The following HTR7 variants were observed in gnomAD, a reference collection of about 807,000 sequenced individuals.
HTR7 encodes the protein 5-HT-7.
Under a neutral mutation model 34.0 loss-of-function variants are expected in HTR7, and 16 were observed. That is an observed-to-expected ratio of 0.47 (90% CI 0.32 to 0.71). HTR7 has a LOEUF of 0.71. Among genes scored for constraint, HTR7 ranks in the 30% least tolerant of loss-of-function variants. The pLI is 0.04. For synonymous variants in HTR7, 265 were observed against 260.2 expected (o/e 1.02, Z -0.18); for missense variants, 504 against 625.5 (o/e 0.81, Z 2.07).
chr10:90,845,588 G>C (rs1243184895), intron 1 of HTR7, among the ~76,000 whole-genome samples: 15 of 152,184 alleles, frequency 9.9e-5, no homozygotes, highest in Admixed American at 9.8e-4. Context: ...GAGATACCAT[G>C]TGTCAAGTGT....
At chr10:90,791,845 C>G (rs558406939) in intron 1 of HTR7, among the ~76,000 whole-genome samples, 1 of 152,246 alleles carries the variant, frequency 6.6e-6, no homozygotes, top group African/African-American at 2.4e-5. Flanking sequence ...GGGGTTTTGG[C>G]TCCTCAAGTA....
intron 1 of HTR7, among the ~76,000 whole-genome samples, chr10:90,778,461 G>T (rs1241390658): frequency 1.3e-5 from 2 of 152,126 alleles, no homozygotes; most frequent in South Asian, 2.1e-4. Flanking sequence ...GTCCCTACCA[G>T]CAAGAAGGCC....
chr10:90,824,050 C>G (rs959520878), intron 1 of HTR7, among the ~76,000 whole-genome samples: 1 of 152,218 alleles, frequency 6.6e-6, no homozygotes, highest in African/African-American at 2.4e-5. Flanking sequence ...CAGAGTAACA[C>G]AGGAGGGCTT....
intron 1 of HTR7, among the ~76,000 whole-genome samples, chr10:90,785,883 G>A (rs1564681252): frequency 6.6e-6 from 1 of 152,158 alleles, no homozygotes; most frequent in Non-Finnish European, 1.5e-5. Flanking sequence ...GCCCCTTCTT[G>A]GGAGAGCTGG....
intron 1 of HTR7, among the ~76,000 whole-genome samples, chr10:90,840,211 ACAC>A (rs1846308218): frequency 6.6e-6 from 1 of 151,100 alleles, no homozygotes; most frequent in African/African-American, 2.4e-5. Context: ...ACACACACAC[ACAC>A]ATCTGGCCTC....
intron 1 of HTR7, among the ~76,000 whole-genome samples, chr10:90,813,042 C>T (rs975570092): frequency 8.5e-5 from 13 of 152,110 alleles, no homozygotes; most frequent in Non-Finnish European, 1.8e-4. Context: ...AAACCTCCCC[C>T]ACTGAGCACC....
intron 1 of HTR7, among the ~76,000 whole-genome samples, chr10:90,823,430 C>T (rs1589467793): frequency 6.6e-6 from 1 of 152,242 alleles, no homozygotes; most frequent in Admixed American, 6.5e-5. Flanking sequence ...CGGCTGATTT[C>T]TCCCGCTTGG....
At chr10:90,742,656 A>G in intron 3 of HTR7, 128 bp from the exon 4 acceptor site, 1 of 602,728 alleles carries the variant, frequency 1.7e-6, no homozygotes, top group Non-Finnish European at 2.9e-6. Flanking sequence ...CTTTTAAGGG[A>G]TTATGAGTAT....
chr10:90,795,057 G>T (rs1331097277), intron 1 of HTR7, among the ~76,000 whole-genome samples: 1 of 152,172 alleles, frequency 6.6e-6, no homozygotes, highest in Admixed American at 6.5e-5. Context: ...CCATTCATCT[G>T]TTGTGGGGCA....
At chr10:90,855,176 T>C (rs981655485) in intron 1 of HTR7, among the ~76,000 whole-genome samples, 2 of 152,238 alleles carry the variant, frequency 1.3e-5, no homozygotes, top group African/African-American at 4.8e-5. Flanking sequence ...AGAATCTATA[T>C]GCCTATGTTA....
chr10:90,806,371 G>T (rs1277933143), intron 1 of HTR7, among the ~76,000 whole-genome samples: 2 of 152,160 alleles, frequency 1.3e-5, no homozygotes, highest in African/African-American at 4.8e-5. Flanking sequence ...GGCTGAGGTG[G>T]GCGGATCACG....
chr10:90,756,756 C>T (rs1844837147), intron 1 of HTR7, among the ~76,000 whole-genome samples: 1 of 151,746 alleles, frequency 6.6e-6, no homozygotes, highest in Non-Finnish European at 1.5e-5. Flanking sequence ...TGTAAAAATT[C>T]ATATATTATA....
chr10:90,791,716 A>G lies in HTR7; in HGVS notation c.540-42122T>C, dbSNP rs546739318. Reference sequence around the variant, plus strand: ...TGTTTATGATCCCTCCAAGTGTTTTATTTCACTTGGATACGATTACAATTT... The same window carrying G: ...TGTTTATGATCCCTCCAAGTGTTTTGTTTCACTTGGATACGATTACAATTT... On this transcript the variant is annotated intron_variant, in intron 1 of 3. Coordinates refer to ENST00000336152, the MANE Select transcript of HTR7 (RefSeq NM_019859.4). Among the ~76,000 whole-genome samples, 4 of 152,238 alleles carry G rather than the reference A, an allele frequency of 2.6e-5. No individual in the cohort carries two copies. The East Asian group carries it at 7.7e-4, about 29-fold the overall frequency.
intron 1 of HTR7, among the ~76,000 whole-genome samples, chr10:90,854,182 C>T (rs893018277): frequency 5.3e-5 from 8 of 152,148 alleles, no homozygotes; most frequent in African/African-American, 1.9e-4. Context: ...GGCAAAACCC[C>T]GTGTCTACTA....
chr10:90,771,434 A>G (rs769235956), intron 1 of HTR7, among the ~76,000 whole-genome samples: 4 of 152,234 alleles, frequency 2.6e-5, no homozygotes, highest in Non-Finnish European at 5.9e-5. Context: ...AGAAGGAGAG[A>G]AGAGCTGTGG....
chr10:90,779,475 A>G (rs1366802889), intron 1 of HTR7, among the ~76,000 whole-genome samples: 5 of 152,136 alleles, frequency 3.3e-5, no homozygotes, highest in Non-Finnish European at 7.3e-5. Context: ...TGTTTCTCGT[A>G]TACTGCACTG....
intron 1 of HTR7, among the ~76,000 whole-genome samples, chr10:90,784,679 G>T (rs539523882): frequency 6.6e-6 from 1 of 152,300 alleles, no homozygotes; most frequent in South Asian, 2.1e-4. Context: ...AAGGAATGGG[G>T]ATTAATGTGA....
chr10:90,812,699 G>C (rs1044456399), intron 1 of HTR7, among the ~76,000 whole-genome samples: 42 of 152,018 alleles, frequency 2.8e-4, no homozygotes, highest in Non-Finnish European at 3.7e-4. Flanking sequence ...AAGCAGCCCT[G>C]AGAAACATCG....
At position 90,742,144 on chromosome 10, in the gene HTR7, A is replaced by G. The variant is rs1386480390; in HGVS notation, c.*338T>C. On this transcript the variant is annotated 3_prime_UTR_variant, in exon 4 of 4. Coordinates refer to ENST00000336152, the MANE Select transcript of HTR7 (RefSeq NM_019859.4). ...AACGCCTAGACTCAGAAGCATGGGA[A>G]GTGTGCACTGGAACTTTCTCCCACT... is the stretch of plus-strand genomic sequence containing the variant. 5.2e-6 allele frequency: 1 copy of G among 192,614 alleles called. No individual in the cohort carries two copies. Among genetic ancestry groups the G allele is most frequent in the Non-Finnish European group, 1.1e-5 (1 of 94,266 alleles). 11.9% of individuals were successfully genotyped at this position (192,614 alleles called of 1,614,324 possible). A position where few individuals can be genotyped will look rare whatever the true frequency, so the allele number is the denominator to read the frequency against.
Sources: allele counts gnomAD v4.1 joint callset (sites outside exome capture counted in the v4.1 genomes callset), GRCh38; gene constraint gnomAD v4.1.1; transcripts MANE v1.5; gene names NCBI Gene and HGNC (gene_info 2026-07-23, HGNC 2026-07-21).